The following UBE2E2 variants were observed in gnomAD, a reference collection of about 807,000 sequenced individuals.
UBE2E2 encodes the protein ubiquitin conjugating enzyme E2 E2.
Under a neutral mutation model 24.7 loss-of-function variants are expected in UBE2E2, and 6 were observed. The observed-to-expected ratio is 0.24, with a 90% CI of 0.13 to 0.48. The LOEUF is 0.48. Ranked by LOEUF, UBE2E2 falls within the 20% of genes least tolerant of loss-of-function variation. UBE2E2 has a pLI of 0.99. For synonymous variants in UBE2E2, 104 were observed against 83.6 expected (o/e 1.24, Z -1.33); for missense variants, 169 against 245.0 (o/e 0.69, Z 2.07).
chr3:23,444,070 T>G (rs779975638), intron 3 of UBE2E2, among the ~76,000 whole-genome samples: 35 of 143,108 alleles, frequency 2.4e-4, no homozygotes, highest in Admixed American at 5.8e-4. Flanking sequence ...GTTTTGTTTT[T>G]TTTTTTTTTT....
chr3:23,463,849 A>G (rs1016803286), intron 3 of UBE2E2, among the ~76,000 whole-genome samples: 1 of 152,162 alleles, frequency 6.6e-6, no homozygotes, highest in African/African-American at 2.4e-5. Context: ...GTAATATAGC[A>G]TGGTCCTCAG....
At chr3:23,490,835 T>C (rs529827883) in intron 3 of UBE2E2, among the ~76,000 whole-genome samples, 1 of 152,330 alleles carries the variant, frequency 6.6e-6, no homozygotes, top group South Asian at 2.1e-4. Context: ...TAGGTAACAA[T>C]AGTGACTTTA....
chr3:23,307,867 TG>T (rs1369404692), intron 3 of UBE2E2, among the ~76,000 whole-genome samples: 1 of 152,198 alleles, frequency 6.6e-6, no homozygotes, highest in Non-Finnish European at 1.5e-5. Flanking sequence ...ACCATCTTAA[TG>T]CCCTACAATG....
At chr3:23,263,567 A>G (rs942512313) in intron 3 of UBE2E2, among the ~76,000 whole-genome samples, 1 of 152,098 alleles carries the variant, frequency 6.6e-6, no homozygotes, top group African/African-American at 2.4e-5. Context: ...CTCATCTTTT[A>G]TTTATTTATT....
At chr3:23,340,964 G>C (rs1695368705) in intron 3 of UBE2E2, among the ~76,000 whole-genome samples, 2 of 152,146 alleles carry the variant, frequency 1.3e-5, no homozygotes, top group African/African-American at 4.8e-5. Flanking sequence ...CAGTGGGAGA[G>C]TTTTAGATTC....
intron 3 of UBE2E2, among the ~76,000 whole-genome samples, chr3:23,288,581 A>G (rs921230921): frequency 2.0e-5 from 3 of 152,130 alleles, no homozygotes; most frequent in African/African-American, 7.2e-5. Context: ...TTTGCTGTAT[A>G]TATCTGGGTG....
chr3:23,285,896 C>T (rs1345472467), intron 3 of UBE2E2, among the ~76,000 whole-genome samples: 1 of 152,170 alleles, frequency 6.6e-6, no homozygotes, highest in Non-Finnish European at 1.5e-5. Flanking sequence ...GGGGTTTCAC[C>T]ATGTAGGCCC....
intron 5 of UBE2E2, chr3:23,534,129 T>A: frequency 1.8e-5 from 2 of 108,430 alleles, no homozygotes; most frequent in Non-Finnish European, 2.3e-5. Flanking sequence ...GCAAGAAGGC[T>A]TTTTTTTTTT....
At chr3:23,397,201 A>G (rs936180122) in intron 3 of UBE2E2, among the ~76,000 whole-genome samples, 1 of 152,186 alleles carries the variant, frequency 6.6e-6, no homozygotes, top group Non-Finnish European at 1.5e-5. Flanking sequence ...CATTTAAAGC[A>G]TTTTCTCACT....
At chr3:23,270,021 C>T (rs1021194003) in intron 3 of UBE2E2, among the ~76,000 whole-genome samples, 1 of 152,082 alleles carries the variant, frequency 6.6e-6, no homozygotes, top group Non-Finnish European at 1.5e-5. Context: ...CCCAGAAATG[C>T]CTTGTCCTGG....
At chr3:23,306,926 A>G (rs1347865891) in intron 3 of UBE2E2, among the ~76,000 whole-genome samples, 2 of 152,212 alleles carry the variant, frequency 1.3e-5, no homozygotes, top group African/African-American at 2.4e-5. Context: ...CAAGAGATTA[A>G]GCAAATCTCA....
chr3:23,531,046 G>A (rs1695112136), intron 4 of UBE2E2, among the ~76,000 whole-genome samples: 2 of 152,158 alleles, frequency 1.3e-5, no homozygotes, highest in Non-Finnish European at 2.9e-5. Context: ...TAGGTGTCAT[G>A]GATTATCTGG....
intron 2 of UBE2E2, among the ~76,000 whole-genome samples, chr3:23,212,849 A>G (rs1261349582): frequency 2.6e-5 from 4 of 152,138 alleles, no homozygotes; most frequent in Non-Finnish European, 5.9e-5. Flanking sequence ...GTGTGTCTTA[A>G]AATCAATGAT....
intron 3 of UBE2E2, among the ~76,000 whole-genome samples, chr3:23,318,895 T>C (rs1694662502): frequency 6.6e-6 from 1 of 152,350 alleles, no homozygotes; most frequent in East Asian, 1.9e-4. Flanking sequence ...TAAATAACAA[T>C]CTGCCTATAC....
At chr3:23,502,295 A>G (rs535794437) in intron 4 of UBE2E2, among the ~76,000 whole-genome samples, 5 of 151,730 alleles carry the variant, frequency 3.3e-5, no homozygotes, top group Non-Finnish European at 7.4e-5. Context: ...CAATACTCTG[A>G]AGAATGAACC....
intron 5 of UBE2E2, among the ~76,000 whole-genome samples, chr3:23,571,280 C>CTTTCTTTTTT (rs1696218039): frequency 1.0e-4 from 3 of 29,882 alleles, no homozygotes; most frequent in African/African-American, 3.1e-4. Context: ...GTGCTCCTTT[C>CTTTCTTTTTT]TTTTTTTTTT....
chr3:23,203,615 C>T lies in UBE2E2; in HGVS notation c.-9+151C>T, dbSNP rs536540321. Among the ~76,000 whole-genome samples the T allele has an allele frequency of 8.0e-5, 12 of 150,154 alleles. 1 individual carries two copies. The South Asian group carries it at 2.6e-3, about 33-fold the overall frequency. Reference sequence around the variant, plus strand: ...TCCCTCCTTCCTCGCTCCCCGTGCCCGGTTCCCTACGCCCCCTCCCGCGAG... The same window carrying T: ...TCCCTCCTTCCTCGCTCCCCGTGCCTGGTTCCCTACGCCCCCTCCCGCGAG... On this transcript the variant is annotated intron_variant, in intron 1 of 5. Transcript: ENST00000396703.
At chr3:23,267,406 A>G (rs1698080678) in intron 3 of UBE2E2, among the ~76,000 whole-genome samples, 1 of 152,368 alleles carries the variant, frequency 6.6e-6, no homozygotes, top group East Asian at 1.9e-4. Context: ...ACAGACTACC[A>G]TCAGAGAATA....
At chr3:23,342,635 T>C (rs1376596547) in intron 3 of UBE2E2, among the ~76,000 whole-genome samples, 1 of 152,204 alleles carries the variant, frequency 6.6e-6, no homozygotes, top group African/African-American at 2.4e-5. Context: ...GGCTTTATTA[T>C]TTATTCGTAT....
Sources: allele counts gnomAD v4.1 joint callset (sites outside exome capture counted in the v4.1 genomes callset), GRCh38; gene constraint gnomAD v4.1.1; transcripts MANE v1.5; gene names NCBI Gene and HGNC (gene_info 2026-07-23, HGNC 2026-07-21).